The following NSUN2 variants were observed in gnomAD, a reference collection of about 807,000 sequenced individuals.
The protein encoded by NSUN2 is RNA cytosine C(5)-methyltransferase NSUN2.
Under a neutral mutation model 92.7 loss-of-function variants are expected in NSUN2, and 63 were observed. That is an observed-to-expected ratio of 0.68 (90% CI 0.56 to 0.84). NSUN2 has a LOEUF of 0.84. NSUN2 is among the 40% of genes least tolerant of loss of function. The pLI is 0.00. For missense variants in NSUN2, 989 were observed against 964.9 expected (o/e 1.02, Z -0.33); for synonymous variants, 356 against 348.3 (o/e 1.02, Z -0.25).
intron 17 of NSUN2, among the ~76,000 whole-genome samples, chr5:6,603,362 A>C (rs961209030): frequency 6.6e-6 from 1 of 152,244 alleles, no homozygotes; most frequent in Non-Finnish European, 1.5e-5. Flanking sequence ...TAAAATCTGC[A>C]TGTTAGCCAG....
At chr5:6,611,834 A>C in intron 9 of NSUN2, 36 bp from the exon 10 acceptor site, 1 of 1,566,238 alleles carries the variant, frequency 6.4e-7, no homozygotes, top group Non-Finnish European at 8.8e-7. Flanking sequence ...TTTGTTTTTC[A>C]AAAAAGTATT....
chr5:6,608,312 T>C (rs996722202), intron 12 of NSUN2, among the ~76,000 whole-genome samples: 8 of 152,264 alleles, frequency 5.3e-5, no homozygotes, highest in Admixed American at 5.2e-4. Context: ...CTCCCATCTC[T>C]GTTCTACCTC....
chr5:6,617,268 G>T (rs1737249060), intron 8 of NSUN2, among the ~76,000 whole-genome samples: 1 of 152,128 alleles, frequency 6.6e-6, no homozygotes, highest in Admixed American at 6.5e-5. Context: ...AGTATTTTAT[G>T]GAGACGAGGC....
At position 6,622,717 on chromosome 5, in the gene NSUN2, C is replaced by T. The variant is rs150530949; in HGVS notation, c.537+497G>A. Among the ~76,000 whole-genome samples the T allele has an allele frequency of 9.5e-3, 1,446 of 151,906 alleles. 20 individuals carry two copies. The highest frequency in any genetic ancestry group is 0.033 in the African/African-American group (1,353 of 41,432). On this transcript the variant is annotated intron_variant, in intron 5 of 18. Coordinates refer to ENST00000264670, the MANE Select transcript of NSUN2 (RefSeq NM_017755.6). Reference sequence around the variant, plus strand: ...ACAAAATTAGCAGGGTGTGGTGGTGCGCACCTGTAATCCCGGCTACTTGGG... The same window carrying T: ...ACAAAATTAGCAGGGTGTGGTGGTGTGCACCTGTAATCCCGGCTACTTGGG...
Position 6,611,815 on chromosome 5 carries a change from T to C in NSUN2, c.1022-17A>G, listed in dbSNP as rs1579363149. On this transcript the variant is annotated splice_polypyrimidine_tract_variant and intron_variant, in intron 9 of 18. Transcript: ENST00000264670. ...CCAAAGCACCTGTGCAGCAAAAGCA[T>C]GGACGTCTTTTGTTTTTCAAAAAAG... is the stretch of plus-strand genomic sequence containing the variant. 7 of 1,612,744 alleles carry C rather than the reference T, an allele frequency of 4.3e-6. No individual in the cohort carries two copies. Among genetic ancestry groups the C allele is most frequent in the Non-Finnish European group, 5.9e-6 (7 of 1,178,834 alleles).
intron 3 of NSUN2, among the ~76,000 whole-genome samples, chr5:6,628,351 A>T (rs3846570): frequency 0.21 from 31,306 of 151,972 alleles, 3,686 homozygotes; most frequent in East Asian, 0.48. Flanking sequence ...CTCAAAAAAA[A>T]ATATAAGTAA....
At chr5:6,612,813 G>A (rs1158771167) in intron 9 of NSUN2, among the ~76,000 whole-genome samples, 1 of 152,196 alleles carries the variant, frequency 6.6e-6, no homozygotes, top group African/African-American at 2.4e-5. Flanking sequence ...AGATGAGCAG[G>A]GCAGGCAGCA....
chr5:6,614,947 A>C (rs3776434), intron 9 of NSUN2, among the ~76,000 whole-genome samples: 87,649 of 151,914 alleles, frequency 0.58, 26,158 homozygotes, highest in Non-Finnish European at 0.67. Flanking sequence ...GTCCCAGCCA[A>C]AAGCTTACAA....
At chr5:6,612,721 T>C (rs1737050733) in intron 9 of NSUN2, among the ~76,000 whole-genome samples, 1 of 152,252 alleles carries the variant, frequency 6.6e-6, no homozygotes, top group Non-Finnish European at 1.5e-5. Context: ...TTCTGAATCC[T>C]CTTCCTTTTA....
At chr5:6,601,345 A>G (rs1736548473) in intron 18 of NSUN2, among the ~76,000 whole-genome samples, 1 of 152,132 alleles carries the variant, frequency 6.6e-6, no homozygotes, top group African/African-American at 2.4e-5. Context: ...AACTCTCGTT[A>G]AAAACACCCA....
At chr5:6,627,367 G>C (rs1000243373) in intron 3 of NSUN2, among the ~76,000 whole-genome samples, 4 of 152,168 alleles carry the variant, frequency 2.6e-5, no homozygotes, top group Admixed American at 2.6e-4. Flanking sequence ...TCCTGAACTT[G>C]TCTGTCTCAA....
At chr5:6,615,353 T>A (rs1051014333) in intron 9 of NSUN2, among the ~76,000 whole-genome samples, 10 of 152,212 alleles carry the variant, frequency 6.6e-5, no homozygotes, top group African/African-American at 2.4e-4. Flanking sequence ...AATTCCTAGC[T>A]AATGAACACA....
intron 12 of NSUN2, among the ~76,000 whole-genome samples, chr5:6,609,071 A>G (rs1366734315): frequency 6.6e-6 from 1 of 152,168 alleles, no homozygotes; most frequent in African/African-American, 2.4e-5. Flanking sequence ...AAAAGGCTGG[A>G]GCTCTTTGCG....
chr5:6,608,964 G>T (rs1736884708), intron 12 of NSUN2, among the ~76,000 whole-genome samples: 1 of 152,210 alleles, frequency 6.6e-6, no homozygotes, highest in African/African-American at 2.4e-5. Flanking sequence ...TTTCTAACCT[G>T]ACAGAAAAAC....
At chr5:6,614,819 C>G (rs1737145859) in intron 9 of NSUN2, among the ~76,000 whole-genome samples, 1 of 152,030 alleles carries the variant, frequency 6.6e-6, no homozygotes, top group Non-Finnish European at 1.5e-5. Context: ...GGAAAGAAAG[C>G]CCGGTGGACT....
chr5:6,602,410 T>C lies in NSUN2; in HGVS notation c.1997+51A>G, dbSNP rs1736592995. 1.9e-6 allele frequency: 3 copies of C among 1,560,896 alleles called. No homozygotes were observed. In the South Asian group the frequency reaches 3.3e-5, roughly 17 times the overall value. Reference sequence around the variant, plus strand: ...ACTTTCCTCACCAACGAGAACACTGTAGCTAATGACAAGGCGTGTGTGTCT... The same window carrying C: ...ACTTTCCTCACCAACGAGAACACTGCAGCTAATGACAAGGCGTGTGTGTCT... On this transcript the variant is annotated intron_variant, in intron 18 of 18. Coordinates refer to ENST00000264670, the MANE Select transcript of NSUN2 (RefSeq NM_017755.6).
intron 2 of NSUN2, 112 bp downstream of exon 2, chr5:6,632,487 C>T: frequency 2.9e-5 from 38 of 1,305,314 alleles, no homozygotes; most frequent in Non-Finnish European, 4.0e-5. Context: ...ATCCAAACCG[C>T]TGAAACGCCA....
chr5:6,625,704 T>A, intron 3 of NSUN2, 35 bp from the exon 4 acceptor site: 8 of 1,481,664 alleles, frequency 5.4e-6, no homozygotes, highest in Non-Finnish European at 7.5e-6. Context: ...TTATGGATTA[T>A]AAATACTAAA....
chr5:6,607,341 C>A lies in NSUN2; in HGVS notation c.1367G>T (p.Ser456Ile). The A allele has an allele frequency of 6.2e-7, 1 of 1,614,108 alleles. No homozygotes were observed. The highest frequency in any genetic ancestry group is 8.5e-7 in the Non-Finnish European group (1 of 1,180,014). Residue 456 changes from serine (S) to isoleucine (I), a missense_variant, in exon 13 of 19, where the codon AGC (serine) becomes ATC (isoleucine). By Grantham distance (142) the Ser-to-Ile change is moderately radical. This residue lies in a region of NSUN2 where 626 missense variants were observed against 602.3 expected (regional missense o/e 1.04). Coordinates refer to ENST00000264670, the MANE Select transcript of NSUN2 (RefSeq NM_017755.6). ...SAETRESTQL[S>I]PADLTEGKPT... ...TTTCCCTTCTGTGAGATCTGCAGGG[C>A]TCAGCTGTGTGCTTTCTCTGGTCTC...
Sources: gnomAD v4.1 joint callset for allele counts (sites outside exome capture counted in the v4.1 genomes callset) on GRCh38, gnomAD v4.1.1 for gene constraint, gnomAD v4.1.1 regional missense constraint, MANE v1.5 for transcripts, NCBI Gene and HGNC (gene_info 2026-07-23, HGNC 2026-07-21) for gene names.